Variants in MSR1 observed in about 807,000 individuals in gnomAD.
The protein encoded by MSR1 is macrophage scavenger receptor 1, also known as macrophage scavenger receptor types I and II.
MSR1 carries 53 observed loss-of-function variants against 47.2 expected under a neutral mutation model. That is an observed-to-expected ratio of 1.12 (90% CI 0.90 to 1.41). The LOEUF (loss-of-function observed/expected upper bound fraction) is 1.41, where lower values mean the gene tolerates loss of function less well. MSR1 is among the 40% of genes most tolerant of loss of function. The probability of loss-of-function intolerance (pLI) is 0.00; values close to 1 mark genes in which losing one functional copy is unlikely to be tolerated. For missense variants in MSR1, 786 were observed against 546.9 expected (o/e 1.44, Z -4.36); for synonymous variants, 239 against 185.6 (o/e 1.29, Z -2.34).
At chr8:16,132,109 C>T (rs911667577) in intron 8 of MSR1, among the ~76,000 whole-genome samples, 1 of 151,710 alleles carries the variant, frequency 6.6e-6, no homozygotes, top group Non-Finnish European at 1.5e-5. Context: ...ACCGATTCTT[C>T]CTATCCATGA....
chr8:16,122,561 C>T lies in MSR1; in HGVS notation c.1034-1955G>A, dbSNP rs79190660. On this transcript the variant is annotated intron_variant, in intron 8 of 9. Transcript: ENST00000262101. ...CTCCTTCCAAAATGTCATAAATGAG[C>T]CTTGCTTGTCCTGGAGCAGTGGTTC... Among the ~76,000 whole-genome samples, 1,420 of 152,182 alleles carry T rather than the reference C, an allele frequency of 9.3e-3. 29 individuals carry two copies. The highest frequency in any genetic ancestry group is 0.031 in the African/African-American group (1,287 of 41,536).
chr8:16,192,109 C>T (rs1228438866), intron 1 of MSR1, among the ~76,000 whole-genome samples: 1 of 152,044 alleles, frequency 6.6e-6, no homozygotes, highest in Non-Finnish European at 1.5e-5. Flanking sequence ...CCTTTCCCCA[C>T]ATCTAGTTCA....
intron 3 of MSR1, among the ~76,000 whole-genome samples, chr8:16,169,570 C>G (rs1228112113): frequency 6.6e-6 from 1 of 151,924 alleles, no homozygotes; most frequent in South Asian, 2.1e-4. Context: ...TATGGAAAAA[C>G]AATTTACCAT....
In MSR1 at chr8:16,109,073, T is replaced by C. The variant is rs1301161952; in HGVS notation, c.*1012A>G. ...GGGTAGCTTTTCACACTCTACACTATGGCCCTGGGGATGGGTTGACTACCA... is the reference window on the plus strand; with the variant it reads ...GGGTAGCTTTTCACACTCTACACTACGGCCCTGGGGATGGGTTGACTACCA... On this transcript the variant is annotated 3_prime_UTR_variant, in exon 10 of 10. Transcript: ENST00000262101. The C allele has an allele frequency of 6.6e-6, 1 of 152,036 alleles. No individual in the cohort carries two copies. Among genetic ancestry groups the C allele is most frequent in the East Asian group, 1.9e-4 (1 of 5,180 alleles). The allele number at this position is 152,036 out of a possible 1,614,324, so 9.4% of individuals were successfully genotyped here.
At chr8:16,126,511 T>C (rs1188742315) in intron 8 of MSR1, among the ~76,000 whole-genome samples, 2 of 152,138 alleles carry the variant, frequency 1.3e-5, no homozygotes, top group Admixed American at 1.3e-4. Flanking sequence ...TCTCACAACA[T>C]GGCAAAATTC....
chr8:16,185,728 A>C (rs927546929), intron 1 of MSR1, among the ~76,000 whole-genome samples: 1 of 152,078 alleles, frequency 6.6e-6, no homozygotes, highest in Admixed American at 6.6e-5. Flanking sequence ...GGTGCAGACA[A>C]TTAAGAGGAA....
chr8:16,174,347 A>G (rs1368217989), intron 3 of MSR1, among the ~76,000 whole-genome samples: 1 of 152,166 alleles, frequency 6.6e-6, no homozygotes, highest in African/African-American at 2.4e-5. Flanking sequence ...ACATTTTATC[A>G]GTCATATAGA....
At chr8:16,129,133 G>T (rs1800196249) in intron 8 of MSR1, among the ~76,000 whole-genome samples, 1 of 152,104 alleles carries the variant, frequency 6.6e-6, no homozygotes, top group African/African-American at 2.4e-5. Flanking sequence ...ATATTTGTAT[G>T]CAGTTAAAGA....
Position 16,120,286 on chromosome 8 carries a change from A to C in MSR1, c.1222+132T>G, listed in dbSNP as rs1320048165. On this transcript the variant is annotated intron_variant, in intron 9 of 9. Coordinates refer to ENST00000262101, the MANE Select transcript of MSR1 (RefSeq NM_138715.3). ...CAGCTACTAGGCAGGCTAAGGGAGGAGAATCGCTTGAATCCGGGAGGCAGA... is the reference window on the plus strand; with the variant it reads ...CAGCTACTAGGCAGGCTAAGGGAGGCGAATCGCTTGAATCCGGGAGGCAGA... The C allele has an allele frequency of 4.4e-6, 4 of 900,328 alleles. No individual in the cohort carries two copies. The Admixed American group carries it at 7.9e-5, about 18-fold the overall frequency. The allele number at this position is 900,328 out of a possible 1,614,324, so 55.8% of individuals were successfully genotyped here. A position where few individuals can be genotyped will look rare whatever the true frequency, so the allele number is the denominator to read the frequency against.
intron 1 of MSR1, chr8:16,186,393 G>C: frequency 3.6e-6 from 2 of 551,556 alleles, no homozygotes; most frequent in Non-Finnish European, 6.4e-6. Context: ...TTTATCTCTT[G>C]CCCATAGCTC....
intron 1 of MSR1, among the ~76,000 whole-genome samples, chr8:16,185,832 A>G (rs1801980211): frequency 6.6e-6 from 1 of 150,440 alleles, no homozygotes; most frequent in South Asian, 2.1e-4. Context: ...ACAGTAGAAG[A>G]TACCTTTTTT....
At chr8:16,174,706 T>C (rs1009625768) in intron 3 of MSR1, among the ~76,000 whole-genome samples, 2 of 152,152 alleles carry the variant, frequency 1.3e-5, no homozygotes, top group Non-Finnish European at 2.9e-5. Flanking sequence ...AAGTCTCCTC[T>C]CTTTAAAAAC....
intron 7 of MSR1, among the ~76,000 whole-genome samples, chr8:16,144,878 A>G (rs534552342): frequency 6.6e-6 from 1 of 152,168 alleles, no homozygotes; most frequent in African/African-American, 2.4e-5. Flanking sequence ...ACAATTATAT[A>G]TAATTTTAGT....
Position 16,130,440 on chromosome 8 carries a change from CT to C in MSR1, c.1034-9835del, listed in dbSNP as rs1287545986. Among the ~76,000 whole-genome samples the C allele has an allele frequency of 1.2e-4, 18 of 152,170 alleles. No homozygotes were observed. The South Asian group carries it at 3.7e-3, about 32-fold the overall frequency. The stretch of plus-strand genomic sequence containing the variant: ...CACTTAGATGAGCACTGTATTTTAT[CT>C]TTAAGTATATTAACATGGTGACAAA... On this transcript the variant is annotated intron_variant, in intron 8 of 9. Transcript: ENST00000262101.
rs755788105 is a variant in MSR1 at position 16,164,022 on chromosome 8, T to G, written c.817+43A>C. The G allele has an allele frequency of 4.2e-6, 6 of 1,443,718 alleles. No homozygotes were observed. In the South Asian group the frequency reaches 7.3e-5, roughly 18 times the overall value. 89.4% of individuals were successfully genotyped at this position (1,443,718 alleles called of 1,614,324 possible). ...AATCTCTGCATGTATCAGTATATTT[T>G]AATATATATATCATTTTCTGGAGAA... On this transcript the variant is annotated intron_variant, in intron 5 of 9. Transcript: ENST00000262101.
At chr8:16,174,651 G>A (rs570967864) in intron 3 of MSR1, among the ~76,000 whole-genome samples, 2 of 152,072 alleles carry the variant, frequency 1.3e-5, no homozygotes, top group South Asian at 4.1e-4. Flanking sequence ...GAAAAATGTG[G>A]TCATATAAGC....
intron 3 of MSR1, among the ~76,000 whole-genome samples, chr8:16,173,799 C>T (rs1257105993): frequency 6.6e-6 from 1 of 152,092 alleles, no homozygotes; most frequent in African/African-American, 2.4e-5. Flanking sequence ...CAGGCACCCG[C>T]CACCACTCCT....
rs752297542 is a variant in MSR1 at position 16,110,195 on chromosome 8, C to T, written c.1246G>A (p.Glu416Lys). 6.2e-7 allele frequency: 1 copy of T among 1,613,596 alleles called. No individual in the cohort carries two copies. Among genetic ancestry groups the T allele is most frequent in the South Asian group, 1.1e-5 (1 of 91,066 alleles). ...GQGTGPIWLNEVFCFGRESSI... is the reference protein window; with the variant it reads ...GQGTGPIWLNKVFCFGRESSI... ...GATTCTCTCCCAAAACAAAACACTT[C>T]ATTCAGCCATATTGGACCAGTACCT... Residue 416 changes from glutamate (E) to lysine (K), a missense_variant, in exon 10 of 10, where the codon GAA (glutamate) becomes AAA (lysine). Glu to Lys is a moderately conservative substitution (Grantham distance 56, BLOSUM62 1). Coordinates refer to ENST00000262101, the MANE Select transcript of MSR1 (RefSeq NM_138715.3).
intron 1 of MSR1, among the ~76,000 whole-genome samples, chr8:16,190,946 C>G (rs1036896097): frequency 1.3e-5 from 2 of 152,116 alleles, no homozygotes; most frequent in African/African-American, 4.8e-5. Context: ...GTCTTGAACT[C>G]CCGACCTCAG....
Sources: allele counts gnomAD v4.1 joint callset (sites outside exome capture counted in the v4.1 genomes callset), GRCh38; gene constraint gnomAD v4.1.1; transcripts MANE v1.5; gene names NCBI Gene and HGNC (gene_info 2026-07-23, HGNC 2026-07-21).